SUPT3H: variants seen among roughly 807,000 people sequenced by gnomAD.
SUPT3H encodes transcription initiation protein SPT3 homolog.
Under a neutral mutation model 44.3 loss-of-function variants are expected in SUPT3H, and 44 were observed. The ratio of observed to expected loss-of-function variants is 0.99; its 90% CI spans 0.78 to 1.28. SUPT3H has a LOEUF of 1.28. SUPT3H is among the 50% of genes most tolerant of loss of function. The pLI, the probability that SUPT3H is intolerant of heterozygous loss-of-function variation, is 0.00. For missense variants in SUPT3H, 380 were observed against 387.1 expected (o/e 0.98, Z 0.15); for synonymous variants, 124 against 125.6 (o/e 0.99, Z 0.09).
rs536320576 is a variant in SUPT3H at position 45,190,945 on chromosome 6, A to G, written c.102-84939T>C. Among the ~76,000 whole-genome samples the G allele has an allele frequency of 5.9e-5, 9 of 152,176 alleles. No individual in the cohort carries two copies. In the South Asian group the frequency reaches 1.2e-3, roughly 21 times the overall value. Reference sequence around the variant, plus strand: ...CTGACAAAGGTGTGGAGCAACAGGAACTCTCATTCACTGCTGGTGGGAATG... The same window carrying G: ...CTGACAAAGGTGTGGAGCAACAGGAGCTCTCATTCACTGCTGGTGGGAATG... On this transcript the variant is annotated intron_variant, in intron 2 of 10. Transcript: ENST00000371459.
intron 2 of SUPT3H, among the ~76,000 whole-genome samples, chr6:45,142,721 A>G (rs1031349705): frequency 7.6e-6 from 1 of 132,076 alleles, no homozygotes; most frequent in South Asian, 2.6e-4. Flanking sequence ...GGGCAAGAAG[A>G]GCTAAACTCC....
intron 2 of SUPT3H, among the ~76,000 whole-genome samples, chr6:45,283,182 G>A (rs930595479): frequency 3.9e-5 from 6 of 152,010 alleles, no homozygotes; most frequent in Non-Finnish European, 7.4e-5. Flanking sequence ...ATCAACTAAC[G>A]AGCAAAATAA....
At chr6:45,285,842 C>G (rs894237750) in intron 2 of SUPT3H, among the ~76,000 whole-genome samples, 5 of 152,148 alleles carry the variant, frequency 3.3e-5, no homozygotes, top group African/African-American at 1.2e-4. Flanking sequence ...TGACTTCAAA[C>G]TATACTACAA....
At chr6:45,080,568 G>A (rs1018673690) in intron 3 of SUPT3H, among the ~76,000 whole-genome samples, 3 of 151,722 alleles carry the variant, frequency 2.0e-5, no homozygotes, top group Admixed American at 6.6e-5. Flanking sequence ...AGAAAATGTG[G>A]CATATACGCA....
At chr6:44,881,709 T>G (rs1778248887) in intron 10 of SUPT3H, among the ~76,000 whole-genome samples, 1 of 152,100 alleles carries the variant, frequency 6.6e-6, no homozygotes, top group Non-Finnish European at 1.5e-5. Flanking sequence ...TGCAATCAAA[T>G]TAGAACTCAG....
chr6:45,374,969 G>T (rs1796574971), intron 1 of SUPT3H, among the ~76,000 whole-genome samples: 2 of 152,204 alleles, frequency 1.3e-5, no homozygotes, highest in Non-Finnish European at 1.5e-5. Flanking sequence ...AACTTTGGGA[G>T]GCTGAGGCGG....
intron 2 of SUPT3H, among the ~76,000 whole-genome samples, chr6:45,153,114 T>A (rs958513811): frequency 2.0e-5 from 3 of 152,206 alleles, no homozygotes; most frequent in Non-Finnish European, 4.4e-5. Context: ...GATTGGCCTT[T>A]CTTGGTCATC....
intron 10 of SUPT3H, among the ~76,000 whole-genome samples, chr6:44,842,180 T>C (rs781346852): frequency 5.3e-4 from 81 of 152,258 alleles, no homozygotes; most frequent in Non-Finnish European, 1.1e-3. Flanking sequence ...GCTGGGAACA[T>C]TGAGAATGAC....
At chr6:45,094,025 A>C (rs1262806370) in intron 3 of SUPT3H, among the ~76,000 whole-genome samples, 1 of 152,182 alleles carries the variant, frequency 6.6e-6, no homozygotes. Flanking sequence ...ATATAGACTC[A>C]GTCACACAAT....
At chr6:44,899,738 ATTGTT>A (rs1764672603) in intron 10 of SUPT3H, among the ~76,000 whole-genome samples, 1 of 152,140 alleles carries the variant, frequency 6.6e-6, no homozygotes, top group African/African-American at 2.4e-5. Flanking sequence ...CCCACTCTGT[ATTGTT>A]TTATTATCTC....
intron 2 of SUPT3H, among the ~76,000 whole-genome samples, chr6:45,261,334 G>A (rs1215286034): frequency 6.6e-6 from 1 of 152,028 alleles, no homozygotes; most frequent in Admixed American, 6.6e-5. Context: ...CAAAATACCA[G>A]CAAACTGAAT....
At chr6:44,906,072 T>A (rs147466171) in intron 10 of SUPT3H, among the ~76,000 whole-genome samples, 3 of 152,248 alleles carry the variant, frequency 2.0e-5, no homozygotes, top group Admixed American at 1.3e-4. Flanking sequence ...ATACCTAATG[T>A]TAAATGATGA....
intron 2 of SUPT3H, among the ~76,000 whole-genome samples, chr6:45,196,726 A>C (rs1816094696): frequency 6.6e-6 from 1 of 151,922 alleles, no homozygotes; most frequent in African/African-American, 2.4e-5. Flanking sequence ...ATCACTAAGC[A>C]CAAGAATTGT....
intron 9 of SUPT3H, among the ~76,000 whole-genome samples, chr6:44,938,491 T>C (rs1265165163): frequency 6.6e-6 from 1 of 152,234 alleles, no homozygotes; most frequent in African/African-American, 2.4e-5. Context: ...CAGTATAATC[T>C]GAAGTCAGGA....
intron 2 of SUPT3H, among the ~76,000 whole-genome samples, chr6:45,289,340 A>T (rs1267238397): frequency 6.6e-6 from 1 of 152,064 alleles, no homozygotes; most frequent in African/African-American, 2.4e-5. Context: ...CTAATGACAA[A>T]CTGCTTCTCA....
downstream of SUPT3H, among the ~76,000 whole-genome samples, chr6:44,825,925 T>C (rs1231418553): frequency 2.0e-5 from 3 of 152,280 alleles, no homozygotes; most frequent in East Asian, 1.9e-4. Flanking sequence ...CAATGAAATA[T>C]GTATGCGGCG....
intron 11 of SUPT3H, among the ~76,000 whole-genome samples, chr6:44,814,516 G>T (rs1297629978): frequency 1.4e-4 from 21 of 152,142 alleles, no homozygotes; most frequent in Admixed American, 1.4e-3. Flanking sequence ...AGGCAGCGTG[G>T]ATCTCTAGAG....
intron 10 of SUPT3H, among the ~76,000 whole-genome samples, chr6:44,891,892 T>C (rs1201124280): frequency 1.3e-5 from 2 of 152,106 alleles, no homozygotes; most frequent in Non-Finnish European, 2.9e-5. Flanking sequence ...GTGGTAGGTA[T>C]ACAGGTGTTC....
chr6:44,936,849 T>C (rs1771516782), intron 9 of SUPT3H, among the ~76,000 whole-genome samples: 1 of 152,014 alleles, frequency 6.6e-6, no homozygotes, highest in African/African-American at 2.4e-5. Context: ...GTATTGTTAG[T>C]AGAGACAGGG....
Sources: allele counts gnomAD v4.1 joint callset (sites outside exome capture counted in the v4.1 genomes callset), GRCh38; gene constraint gnomAD v4.1.1; transcripts MANE v1.5; gene names NCBI Gene and HGNC (gene_info 2026-07-23, HGNC 2026-07-21).